Variants in TENM4 observed in about 807,000 individuals in gnomAD.
TENM4 encodes teneurin transmembrane protein 4, also known as teneurin-4.
In TENM4, 82 loss-of-function variants were observed where a neutral mutation model predicts 243.3. That is an observed-to-expected ratio of 0.34 (90% confidence interval 0.28 to 0.40). TENM4 has a LOEUF of 0.40. TENM4 is among the 10% of genes least tolerant of loss of function. The pLI is 1.00. For synonymous variants in TENM4, 1,412 were observed against 1,456.3 expected (o/e 0.97, Z 0.69); for missense variants, 3,138 against 3,673.3 (o/e 0.85, Z 3.77).
chr11:78,900,687 C>T (rs1403132402), intron 7 of TENM4, among the ~76,000 whole-genome samples: 1 of 152,156 alleles, frequency 6.6e-6, no homozygotes, highest in Non-Finnish European at 1.5e-5. Flanking sequence ...ATGAGGAAAT[C>T]AAGGTTCAGG....
chr11:78,787,089 G>C lies in TENM4; in HGVS notation c.2180-6C>G. 1 of 1,537,918 alleles carries C rather than the reference G, an allele frequency of 6.5e-7. No homozygotes were observed. On this transcript the variant is annotated splice_polypyrimidine_tract_variant and splice_region_variant and intron_variant, in intron 15 of 33. Coordinates refer to ENST00000278550, the MANE Select transcript of TENM4 (RefSeq NM_001098816.3). ...ACAGTCGGCAGCACAGATCTCTGTG[G>C]GGAGGAGCAGAAGAAGGGAGGACAC...
chr11:79,161,735 C>T (rs1862749967), intron 3 of TENM4, among the ~76,000 whole-genome samples: 1 of 152,208 alleles, frequency 6.6e-6, no homozygotes, highest in Non-Finnish European at 1.5e-5. Context: ...TCAGCAACAA[C>T]TTGTTCTCTG....
chr11:79,423,517 C>A (rs12365541), intron 1 of TENM4, among the ~76,000 whole-genome samples: 32,879 of 147,762 alleles, frequency 0.22, 3,822 homozygotes, highest in East Asian at 0.36. Flanking sequence ...CAAGCCAGCT[C>A]TGAATGCTTA....
chr11:79,407,215 T>C (rs1476768464), intron 1 of TENM4, among the ~76,000 whole-genome samples: 1 of 152,262 alleles, frequency 6.6e-6, no homozygotes, highest in Non-Finnish European at 1.5e-5. Flanking sequence ...TCATTCTACT[T>C]ACTGCTAAGA....
chr11:79,414,145 T>A (rs1298959118), intron 1 of TENM4, among the ~76,000 whole-genome samples: 1 of 124,964 alleles, frequency 8.0e-6, no homozygotes, highest in Non-Finnish European at 1.6e-5. Flanking sequence ...TGAACACATA[T>A]ACACACATGT....
At chr11:78,758,820 T>C (rs1713202406) in intron 18 of TENM4, among the ~76,000 whole-genome samples, 1 of 152,208 alleles carries the variant, frequency 6.6e-6, no homozygotes, top group Admixed American at 6.5e-5. Context: ...AGAGATAGAC[T>C]GTCTGGGGTC....
intron 3 of TENM4, among the ~76,000 whole-genome samples, chr11:79,183,299 A>G (rs1418269321): frequency 1.3e-5 from 2 of 152,340 alleles, no homozygotes; most frequent in South Asian, 2.1e-4. Context: ...AAGGAAGTCA[A>G]TCCGAAAAGT....
At chr11:79,027,002 G>A (rs1859097626) in intron 6 of TENM4, among the ~76,000 whole-genome samples, 1 of 152,026 alleles carries the variant, frequency 6.6e-6, no homozygotes, top group Admixed American at 6.6e-5. Flanking sequence ...CAGTATCCTG[G>A]GTGTTCTAAT....
At chr11:78,891,148 A>ATGT in intron 8 of TENM4, 90 bp downstream of exon 8, 1 of 1,215,892 alleles carries the variant, frequency 8.2e-7, no homozygotes, top group Non-Finnish European at 1.2e-6. Flanking sequence ...CTCCCCCAGA[A>ATGT]GATCCCAGGG....
chr11:79,181,623 G>A (rs1344582044), intron 3 of TENM4, among the ~76,000 whole-genome samples: 1 of 150,480 alleles, frequency 6.6e-6, no homozygotes, highest in African/African-American at 2.5e-5. Context: ...GAAATAAAAG[G>A]TATATAGATT....
intron 23 of TENM4, 104 bp downstream of exon 23, chr11:78,725,975 G>A: frequency 3.4e-6 from 5 of 1,456,664 alleles, no homozygotes; most frequent in Non-Finnish European, 3.8e-6. Flanking sequence ...CCACATAGGA[G>A]CCTATGGGAT....
intron 1 of TENM4, among the ~76,000 whole-genome samples, chr11:79,301,086 G>T (rs1856542893): frequency 6.6e-6 from 1 of 152,084 alleles, no homozygotes; most frequent in Admixed American, 6.6e-5. Flanking sequence ...CTTCTGCAGT[G>T]GCCTCCCAGT....
chr11:79,075,619 T>C (rs926025455), intron 4 of TENM4, among the ~76,000 whole-genome samples: 1 of 152,304 alleles, frequency 6.6e-6, no homozygotes, highest in East Asian at 1.9e-4. Context: ...GTAGCAAATA[T>C]ATAACTAAGG....
At chr11:79,431,059 T>C (rs1050158542) in intron 1 of TENM4, among the ~76,000 whole-genome samples, 2 of 152,082 alleles carry the variant, frequency 1.3e-5, no homozygotes, top group South Asian at 4.2e-4. Flanking sequence ...ATTAATAAAT[T>C]AAATAAATAA....
rs544707718 is a variant in TENM4, at chr11:79,158,540, A to T, written c.-162-9734T>A. 1.6e-4 allele frequency among the ~76,000 whole-genome samples: 24 copies of T among 152,350 alleles called. No individual in the cohort carries two copies. In the South Asian group the frequency reaches 4.6e-3, roughly 29 times the overall value. On this transcript the variant is annotated intron_variant, in intron 3 of 33. Coordinates refer to ENST00000278550, the MANE Select transcript of TENM4 (RefSeq NM_001098816.3). ...ATTAAATTAGGAGGTAAGACTCTTG[A>T]CATATTGACTGTGACACTGTACTCA...
At chr11:78,869,117 A>T (rs762952707) in intron 9 of TENM4, among the ~76,000 whole-genome samples, 1 of 152,344 alleles carries the variant, frequency 6.6e-6, no homozygotes, top group African/African-American at 2.4e-5. Context: ...CACAAGATGT[A>T]CACGGCAGGA....
At position 79,074,017 on chromosome 11, in the gene TENM4, T is replaced by C. The variant is rs139137683; in HGVS notation, c.-65-4008A>G. ...CTCTTATCAGTGTGTGCCTGTTGAC[T>C]GAAGACATTGGCATCAAGGCAAAGG... On this transcript the variant is annotated intron_variant, in intron 4 of 33. Transcript: ENST00000278550. Among the ~76,000 whole-genome samples the C allele has an allele frequency of 2.9e-3, 440 of 152,268 alleles. 1 individual carries two copies. Among genetic ancestry groups the C allele is most frequent in the African/African-American group, 0.01 (426 of 41,550 alleles).
chr11:78,843,186 G>A (rs939429944), intron 12 of TENM4, among the ~76,000 whole-genome samples: 5 of 152,228 alleles, frequency 3.3e-5, no homozygotes, highest in African/African-American at 1.2e-4. Flanking sequence ...GCTGAGGCAA[G>A]AGAATTGCTT....
chr11:79,104,829 G>T (rs1418082273), intron 4 of TENM4, among the ~76,000 whole-genome samples: 2 of 152,172 alleles, frequency 1.3e-5, no homozygotes, highest in Admixed American at 6.5e-5. Flanking sequence ...ACTTTACAAG[G>T]CTCCAAGGGG....
Sources: allele counts gnomAD v4.1 joint callset (sites outside exome capture counted in the v4.1 genomes callset), GRCh38; gene constraint gnomAD v4.1.1; transcripts MANE v1.5; gene names NCBI Gene and HGNC (gene_info 2026-07-23, HGNC 2026-07-21).